Variants in ADH1A observed in about 807,000 individuals in gnomAD.
ADH1A encodes alcohol dehydrogenase 1A.
ADH1A carries 29 observed loss-of-function variants against 35.2 expected under a neutral mutation model. The observed-to-expected ratio is 0.82, with a 90% CI of 0.61 to 1.12. The LOEUF is 1.12. Ranked by LOEUF, ADH1A falls within the 50% of genes most tolerant of loss-of-function variation. ADH1A has a pLI of 0.00. For synonymous variants in ADH1A, 147 were observed against 164.8 expected (o/e 0.89, Z 0.83); for missense variants, 469 against 464.7 (o/e 1.01, Z -0.09).
In ADH1A at chr4:99,284,821, A is replaced by G. The variant is rs1271626890; in HGVS notation, c.260-18T>C. 3 of 1,602,802 alleles carry G rather than the reference A, an allele frequency of 1.9e-6. No homozygotes were observed. The highest frequency in any genetic ancestry group is 2.6e-6 in the Non-Finnish European group (3 of 1,169,910). Reference sequence around the variant, plus strand: ...TTTATCACCTGGAGAGGGATAAAACAAATTCTTTTACAATTTCTATCCAGG... The same window carrying G: ...TTTATCACCTGGAGAGGGATAAAACGAATTCTTTTACAATTTCTATCCAGG... On this transcript the variant is annotated intron_variant, in intron 3 of 8. Coordinates refer to ENST00000209668, the MANE Select transcript of ADH1A (RefSeq NM_000667.4).
At position 99,282,586 on chromosome 4, in the gene ADH1A, A is replaced by C; in HGVS notation, c.588T>G (p.Cys196Trp). ...NVAKVTPGST[C>W]AVFGLGGVGL... ...CGACCCCTCCCAGGCCAAACACAGCACAGGTAGAGCCTGGGGTGACCTGTG... is the reference window on the plus strand; with the variant it reads ...CGACCCCTCCCAGGCCAAACACAGCCCAGGTAGAGCCTGGGGTGACCTGTG... The change falls in exon 6 of 9, where the codon TGT becomes TGG. Residue 196 changes from cysteine (C) to tryptophan (W), a missense_variant. By Grantham distance (215) the Cys-to-Trp change is radical. Transcript: ENST00000209668. 9 of 1,614,238 alleles carry C rather than the reference A, an allele frequency of 5.6e-6. No homozygotes were observed. Among genetic ancestry groups the C allele is most frequent in the African/African-American group, 1.3e-5 (1 of 75,074 alleles).
chr4:99,290,844 C>T, intron 1 of ADH1A, 53 bp downstream of exon 1: 1 of 1,545,002 alleles, frequency 6.5e-7, no homozygotes, highest in Non-Finnish European at 8.9e-7. Context: ...GTATTACTTT[C>T]TTTGTTATAT....
intron 1 of ADH1A, among the ~76,000 whole-genome samples, chr4:99,290,452 C>T (rs1733264250): frequency 6.6e-6 from 1 of 152,130 alleles, no homozygotes; most frequent in Admixed American, 6.5e-5. Context: ...TCAAAGTCTT[C>T]TAAATCAAAT....
intron 5 of ADH1A, among the ~76,000 whole-genome samples, chr4:99,284,099 A>G (rs1733074942): frequency 6.6e-6 from 1 of 152,202 alleles, no homozygotes; most frequent in African/African-American, 2.4e-5. Context: ...CTCTAATTGT[A>G]GAATGAATTA....
intron 7 of ADH1A, 61 bp downstream of exon 7, chr4:99,280,083 T>A: frequency 6.2e-7 from 1 of 1,605,344 alleles, no homozygotes; most frequent in African/African-American, 1.3e-5. Context: ...GCCTTGTCAC[T>A]TGTAAAAGGG....
chr4:99,278,813 C>T (rs1579488121), intron 8 of ADH1A, among the ~76,000 whole-genome samples: 1 of 152,080 alleles, frequency 6.6e-6, no homozygotes, highest in East Asian at 1.9e-4. Flanking sequence ...ATAGAATTGG[C>T]TTAGTTTTCT....
intron 5 of ADH1A, among the ~76,000 whole-genome samples, chr4:99,283,030 G>C (rs2110606805): frequency 6.6e-6 from 1 of 152,180 alleles, no homozygotes; most frequent in African/African-American, 2.4e-5. Context: ...TATACACAAA[G>C]GCAATATTTG....
Position 99,282,346 on chromosome 4 carries a change from C to T in ADH1A, c.828G>A (p.Met276Ile). The part of the protein sequence containing the change: ...SFEVIGRLDT[M>I]MASLLCCHEA... ...TCTCAGGGCATGTCATGGTACATAC[C>T]ATGGTGTCAAGCCGACCGATGACTT... is the stretch of plus-strand genomic sequence containing the variant. The change falls in exon 6 of 9, where the codon ATG (methionine) becomes ATA (isoleucine). Residue 276 changes from methionine (M) to isoleucine (I), a missense_variant and splice_region_variant. Coordinates refer to ENST00000209668, the MANE Select transcript of ADH1A (RefSeq NM_000667.4). 1 of 1,614,146 alleles carries T rather than the reference C, an allele frequency of 6.2e-7. No homozygotes were observed. Among genetic ancestry groups the T allele is most frequent in the Non-Finnish European group, 8.5e-7 (1 of 1,180,012 alleles).
In ADH1A at chr4:99,282,466, C is replaced by A; in HGVS notation, c.708G>T (p.Leu236Phe). The A allele has an allele frequency of 6.2e-7, 1 of 1,614,104 alleles. No individual in the cohort carries two copies. The highest frequency in any genetic ancestry group is 8.5e-7 in the Non-Finnish European group (1 of 1,180,022). Reference protein sequence around the residue: ...NKDKFAKAKELGATECINPQD... With the variant: ...NKDKFAKAKEFGATECINPQD... The stretch of plus-strand genomic sequence containing the variant: ...GAGGGTTGATGCATTCAGTGGCACC[C>A]AACTCTTTGGCCTTTGCAAATTTGT... The change falls in exon 6 of 9, where the codon TTG (leucine) becomes TTT (phenylalanine). Residue 236 changes from leucine (L) to phenylalanine (F), a missense_variant. Coordinates refer to ENST00000209668, the MANE Select transcript of ADH1A (RefSeq NM_000667.4).
At chr4:99,287,800 C>T (rs1387956743) in intron 1 of ADH1A, 135 bp from the exon 2 acceptor site, 1 of 853,682 alleles carries the variant, frequency 1.2e-6, no homozygotes, top group East Asian at 2.7e-5. Context: ...AAATGATCAC[C>T]TCTGATTTAT....
chr4:99,283,815 T>C (rs1733064799), intron 5 of ADH1A, among the ~76,000 whole-genome samples: 1 of 152,190 alleles, frequency 6.6e-6, no homozygotes, highest in Non-Finnish European at 1.5e-5. Context: ...TGTGTGTTCA[T>C]GCCAGGGGAG....
intron 5 of ADH1A, among the ~76,000 whole-genome samples, chr4:99,283,132 C>T (rs1220875568): frequency 6.6e-6 from 1 of 152,146 alleles, no homozygotes; most frequent in Non-Finnish European, 1.5e-5. Flanking sequence ...CATTTATGTT[C>T]AGTAGTCATG....
intron 1 of ADH1A, chr4:99,288,863 T>A (rs28364299): frequency 1.3e-5 from 2 of 152,158 alleles, no homozygotes; most frequent in African/African-American, 4.8e-5. Flanking sequence ...TGTTTTCTGG[T>A]TACCTGGGTA....
At position 99,287,632 on chromosome 4, in the gene ADH1A, A is replaced by T; in HGVS notation, c.52T>A (p.Leu18Ile). Residue 18 changes from leucine (L) to isoleucine (I), a missense_variant, in exon 2 of 9, where the codon TTA becomes ATA. By Grantham distance (5) the Leu-to-Ile change is conservative (BLOSUM62 2). Transcript: ENST00000209668. ...IKCKAAVLWE[L>I]KKPFSIEEVE... ...TCCTCAATGGAAAAGGGTTTCTTTA[A>T]CTCCCATAGCACAGCTGCTTTGCAT... 6.2e-7 allele frequency: 1 copy of T among 1,613,852 alleles called. No individual in the cohort carries two copies. Among genetic ancestry groups the T allele is most frequent in the East Asian group, 2.2e-5 (1 of 44,862 alleles).
chr4:99,278,207 T>C (rs575170304), intron 8 of ADH1A, among the ~76,000 whole-genome samples: 1 of 152,278 alleles, frequency 6.6e-6, no homozygotes, highest in African/African-American at 2.4e-5. Flanking sequence ...CCATCATCTT[T>C]TCAATCCTAT....
chr4:99,287,925 T>C (rs547694425), intron 1 of ADH1A, among the ~76,000 whole-genome samples: 3 of 152,206 alleles, frequency 2.0e-5, no homozygotes, highest in Non-Finnish European at 4.4e-5. Context: ...CCTTATGTTG[T>C]TGTTGTTTTT....
At chr4:99,278,441 C>T (rs915182693) in intron 8 of ADH1A, 2 of 152,114 alleles carry the variant, frequency 1.3e-5, no homozygotes, top group African/African-American at 4.8e-5. Flanking sequence ...TCTCAGTTTT[C>T]TCTTCTCTAA....
intron 1 of ADH1A, among the ~76,000 whole-genome samples, chr4:99,289,210 C>T (rs1311133243): frequency 6.6e-6 from 1 of 152,116 alleles, no homozygotes; most frequent in Non-Finnish European, 1.5e-5. Flanking sequence ...TCTTTATCTA[C>T]TCGTTTGTCG....
intron 2 of ADH1A, 50 bp from the exon 3 acceptor site, chr4:99,287,038 A>C (rs575738054): frequency 1.1e-5 from 17 of 1,576,222 alleles, no homozygotes; most frequent in Non-Finnish European, 1.5e-5. Flanking sequence ...TCTCAGGTGA[A>C]TTTAAAAATC....
Sources: gnomAD v4.1 joint callset for allele counts (sites outside exome capture counted in the v4.1 genomes callset) on GRCh38, gnomAD v4.1.1 for gene constraint, MANE v1.5 for transcripts, NCBI Gene and HGNC (gene_info 2026-07-23, HGNC 2026-07-21) for gene names.